The following DRC11 variants were observed in gnomAD, a reference collection of about 807,000 sequenced individuals.
DRC11 encodes the protein dynein regulatory complex subunit 11.
chr2:236,408,539 G>A, the DRC11 span: 1 of 730,174 alleles, frequency 1.4e-6, no homozygotes, highest in South Asian at 1.4e-5. The surrounding 1 kb of genome is among the most constrained non-coding windows in gnomAD (Gnocchi z 5.5). Context: ...TCCATCAGCG[G>A]GGCCTTCTTC....
the DRC11 span, among the ~76,000 whole-genome samples, chr2:236,484,201 A>G: frequency 6.6e-6 from 1 of 152,200 alleles, no homozygotes; most frequent in African/African-American, 2.4e-5. Context: ...TTTTTGTCCT[A>G]CCTGACATAT....
chr2:236,327,877 T>C, the DRC11 span, among the ~76,000 whole-genome samples: 5 of 152,284 alleles, frequency 3.3e-5, no homozygotes, highest in African/African-American at 1.2e-4. Context: ...AGACGGAGTT[T>C]CTCCATGTTG....
chr2:236,480,057 A>T, the DRC11 span, among the ~76,000 whole-genome samples: 3 of 150,676 alleles, frequency 2.0e-5, no homozygotes, highest in South Asian at 4.2e-4. Context: ...AACTTAATAA[A>T]TATGTTTTTC....
the DRC11 span, among the ~76,000 whole-genome samples, chr2:236,462,321 G>A: frequency 6.6e-6 from 1 of 152,208 alleles, no homozygotes; most frequent in Non-Finnish European, 1.5e-5. The surrounding 1 kb of genome is among the most constrained non-coding windows in gnomAD (Gnocchi z 6.4). Context: ...GGCTGCAAAG[G>A]AAGTCCCCAA....
At chr2:236,365,291 G>A in the DRC11 span, among the ~76,000 whole-genome samples, 1 of 152,034 alleles carries the variant, frequency 6.6e-6, no homozygotes, top group Non-Finnish European at 1.5e-5. The surrounding 1 kb of genome is among the most constrained non-coding windows in gnomAD (Gnocchi z 7.4). Flanking sequence ...AGAGCCACAG[G>A]GAGTTCAGAG....
chr2:236,399,486 T>C, the DRC11 span: 1 of 1,613,756 alleles, frequency 6.2e-7, no homozygotes, highest in Non-Finnish European at 8.5e-7. The surrounding 1 kb of genome is among the most constrained non-coding windows in gnomAD (Gnocchi z 7.0). Context: ...TTTCGTCTTC[T>C]TCCTGTTCAA....
the DRC11 span, chr2:236,380,705 C>T: frequency 8.4e-7 from 1 of 1,183,896 alleles, no homozygotes; most frequent in South Asian, 1.3e-5. The surrounding 1 kb of genome is among the most constrained non-coding windows in gnomAD (Gnocchi z 4.9). Context: ...TAGAAATTAG[C>T]TAAGCACGTT....
At chr2:236,357,153 T>C in the DRC11 span, among the ~76,000 whole-genome samples, 1 of 127,832 alleles carries the variant, frequency 7.8e-6, no homozygotes, top group Non-Finnish European at 1.5e-5. Flanking sequence ...CTATATATTA[T>C]GTATTCATAT....
At chr2:236,357,739 A>C in the DRC11 span, among the ~76,000 whole-genome samples, 1 of 126,844 alleles carries the variant, frequency 7.9e-6, no homozygotes, top group Non-Finnish European at 1.5e-5. Flanking sequence ...ATATACATAT[A>C]ATATGTAAAT....
the DRC11 span, among the ~76,000 whole-genome samples, chr2:236,308,291 C>G: frequency 1.3e-5 from 2 of 152,264 alleles, no homozygotes; most frequent in Non-Finnish European, 2.9e-5. The surrounding 1 kb of genome is among the most constrained non-coding windows in gnomAD (Gnocchi z 6.0). Flanking sequence ...GACAGGCATC[C>G]TCTGCTGGGG....
the DRC11 span, among the ~76,000 whole-genome samples, chr2:236,491,231 A>ACACACACAG: frequency 1.4e-5 from 1 of 69,546 alleles, no homozygotes; most frequent in South Asian, 3.5e-4. Context: ...ATATATATAT[A>ACACACACAG]TATATATATA....
the DRC11 span, among the ~76,000 whole-genome samples, chr2:236,386,748 T>C: frequency 1.3e-5 from 2 of 150,016 alleles, no homozygotes; most frequent in African/African-American, 4.9e-5. Context: ...CTTTTAATTG[T>C]GATGTTAGGG....
At chr2:236,396,278 C>T in the DRC11 span, among the ~76,000 whole-genome samples, 2 of 93,922 alleles carry the variant, frequency 2.1e-5, no homozygotes, top group African/African-American at 4.6e-5. Context: ...CAGTTTCACA[C>T]GTGGGGGGGC....
chr2:236,503,426 T>C, the DRC11 span, among the ~76,000 whole-genome samples: 1 of 152,184 alleles, frequency 6.6e-6, no homozygotes, highest in Non-Finnish European at 1.5e-5. The surrounding 1 kb of genome is among the most constrained non-coding windows in gnomAD (Gnocchi z 4.9). Flanking sequence ...AGCAGGACTT[T>C]TCCAGGGCCT....
chr2:236,369,899 G>A, the DRC11 span, among the ~76,000 whole-genome samples: 1 of 152,196 alleles, frequency 6.6e-6, no homozygotes, highest in South Asian at 2.1e-4. This position sits in a 1 kb window ranked among gnomAD's most constrained non-coding sequence, Gnocchi z 4.5. Context: ...TTAGGATAGA[G>A]GGCGTGAAAA....
chr2:236,318,657 T>A, the DRC11 span, among the ~76,000 whole-genome samples: 1 of 152,020 alleles, frequency 6.6e-6, no homozygotes, highest in Non-Finnish European at 1.5e-5. The surrounding 1 kb of genome is among the most constrained non-coding windows in gnomAD (Gnocchi z 7.0). Flanking sequence ...TGTGCATGTG[T>A]TTGTGTAGTG....
the DRC11 span, among the ~76,000 whole-genome samples, chr2:236,329,267 C>T: frequency 7.9e-5 from 12 of 152,164 alleles, no homozygotes; most frequent in African/African-American, 2.9e-4. Context: ...GCCGTGTAAC[C>T]TCACTTATTT....
chr2:236,394,887 A>C, the DRC11 span, among the ~76,000 whole-genome samples: 1 of 152,158 alleles, frequency 6.6e-6, no homozygotes, highest in Admixed American at 6.5e-5. The surrounding 1 kb of genome is among the most constrained non-coding windows in gnomAD (Gnocchi z 7.0). Context: ...CTGGCTGAGC[A>C]CCATCTCTGC....
chr2:236,390,750 G>T, the DRC11 span, among the ~76,000 whole-genome samples: 4 of 151,610 alleles, frequency 2.6e-5, no homozygotes, highest in Non-Finnish European at 5.9e-5. This position sits in a 1 kb window ranked among gnomAD's most constrained non-coding sequence, Gnocchi z 5.9. Context: ...TGCACCCAGG[G>T]TTTGTGGGAG....
Sources: allele counts gnomAD v4.1 joint callset (sites outside exome capture counted in the v4.1 genomes callset), GRCh38; gene constraint gnomAD v4.1.1; non-coding constraint Gnocchi (gnomAD v3.1); transcripts MANE v1.5; gene names NCBI Gene and HGNC (gene_info 2026-07-23, HGNC 2026-07-21).